The following TRHDE variants were observed in gnomAD, a reference collection of about 807,000 sequenced individuals.
The protein encoded by TRHDE is thyrotropin releasing hormone degrading enzyme.
In TRHDE, 72 loss-of-function variants were observed where a neutral mutation model predicts 125.7. The ratio of observed to expected loss-of-function variants is 0.57; its 90% CI spans 0.47 to 0.70. The LOEUF is 0.70. TRHDE is among the 30% of genes least tolerant of loss of function. The pLI, the probability that TRHDE is intolerant of heterozygous loss-of-function variation, is 0.00. For missense variants in TRHDE, 1,110 were observed against 1,327.1 expected (o/e 0.84, Z 2.54); for synonymous variants, 509 against 509.1 (o/e 1.00, Z 0.00).
chr12:72,312,707 A>T (rs1868604058), intron 2 of TRHDE, among the ~76,000 whole-genome samples: 1 of 152,204 alleles, frequency 6.6e-6, no homozygotes, highest in Non-Finnish European at 1.5e-5. Flanking sequence ...ATAAAATGTT[A>T]CAAAGGTTAT....
intron 2 of TRHDE, among the ~76,000 whole-genome samples, chr12:72,367,070 C>T (rs1234331724): frequency 1.3e-5 from 2 of 152,024 alleles, no homozygotes; most frequent in Non-Finnish European, 2.9e-5. Flanking sequence ...CATGTGCCTC[C>T]TTCTTAGCAC....
chr12:72,550,868 A>C (rs566129974), intron 7 of TRHDE, among the ~76,000 whole-genome samples: 27 of 152,110 alleles, frequency 1.8e-4, no homozygotes, highest in African/African-American at 6.3e-4. Context: ...ATAAATTTTC[A>C]AAATAAATTT....
intron 12 of TRHDE, among the ~76,000 whole-genome samples, chr12:72,616,767 C>G (rs1872833055): frequency 6.6e-6 from 1 of 151,998 alleles, no homozygotes; most frequent in South Asian, 2.1e-4. Context: ...TTTAAAAATA[C>G]ATTACTTTTC....
At chr12:72,393,710 A>G (rs1224571289) in intron 3 of TRHDE, among the ~76,000 whole-genome samples, 1 of 152,238 alleles carries the variant, frequency 6.6e-6, no homozygotes, top group Non-Finnish European at 1.5e-5. Context: ...TGGTTGATTT[A>G]TTCTGATCGG....
intron 15 of TRHDE, among the ~76,000 whole-genome samples, chr12:72,637,924 G>C (rs1428935538): frequency 1.2e-4 from 19 of 152,072 alleles, no homozygotes; most frequent in African/African-American, 4.6e-4. Flanking sequence ...TTACTTCCAA[G>C]TATGTGGTCC....
At chr12:72,282,094 T>C (rs951470887) in intron 1 of TRHDE, among the ~76,000 whole-genome samples, 1 of 152,176 alleles carries the variant, frequency 6.6e-6, no homozygotes, top group African/African-American at 2.4e-5. Flanking sequence ...CTTTTGAAAG[T>C]GGAATTTTTT....
chr12:72,612,508 G>C (rs960072015), intron 12 of TRHDE, among the ~76,000 whole-genome samples: 13 of 152,258 alleles, frequency 8.5e-5, no homozygotes, highest in African/African-American at 3.1e-4. Context: ...TGTCAGTCCT[G>C]GCTTTGAATT....
intron 2 of TRHDE, among the ~76,000 whole-genome samples, chr12:72,121,312 C>T (rs1875575666): frequency 6.6e-6 from 1 of 152,180 alleles, no homozygotes; most frequent in African/African-American, 2.4e-5. Context: ...GTCCTTGTGG[C>T]CTAGACAACC....
intron 2 of TRHDE, among the ~76,000 whole-genome samples, chr12:72,310,311 G>A (rs7970630): frequency 0.3 from 45,337 of 152,042 alleles, 7,020 homozygotes; most frequent in African/African-American, 0.37. Context: ...ATTATAAGTC[G>A]GTAAACCTGA....
chr12:72,507,782 G>A (rs766151226), intron 6 of TRHDE, among the ~76,000 whole-genome samples: 12 of 152,220 alleles, frequency 7.9e-5, no homozygotes, highest in Non-Finnish European at 1.8e-4. Context: ...AGGCATTTTA[G>A]AGATCTTTTA....
At chr12:72,107,557 G>A (rs1008620048) in intron 2 of TRHDE, among the ~76,000 whole-genome samples, 3 of 152,092 alleles carry the variant, frequency 2.0e-5, no homozygotes, top group Admixed American at 2.0e-4. Flanking sequence ...GAACTCTTTA[G>A]AATCTTCCAA....
intron 2 of TRHDE, among the ~76,000 whole-genome samples, chr12:72,121,101 A>C (rs1183813761): frequency 6.6e-6 from 1 of 152,224 alleles, no homozygotes; most frequent in South Asian, 2.1e-4. Context: ...AGTAATTTAC[A>C]CACCAAAATT....
intron 15 of TRHDE, among the ~76,000 whole-genome samples, chr12:72,641,015 C>A (rs1874035675): frequency 6.6e-6 from 1 of 151,928 alleles, no homozygotes; most frequent in Admixed American, 6.6e-5. Context: ...CTTGTACTCA[C>A]AGAGCAAGAA....
intron 6 of TRHDE, among the ~76,000 whole-genome samples, chr12:72,503,646 G>A (rs977855381): frequency 2.6e-5 from 4 of 152,068 alleles, no homozygotes; most frequent in African/African-American, 4.8e-5. Context: ...GTTGAATTAC[G>A]TATTTACAGT....
intron 7 of TRHDE, among the ~76,000 whole-genome samples, chr12:72,548,470 A>G (rs2135994746): frequency 6.6e-6 from 1 of 151,920 alleles, no homozygotes; most frequent in Non-Finnish European, 1.5e-5. Context: ...CATTTGATCA[A>G]TAAATTAGAA....
intron 12 of TRHDE, among the ~76,000 whole-genome samples, chr12:72,578,342 C>CTTGA (rs1871094326): frequency 6.6e-6 from 1 of 151,976 alleles, no homozygotes. Flanking sequence ...TAGTTCAACC[C>CTTGA]CAAAGAGTGA....
chr12:72,594,647 G>T (rs1047828249), intron 12 of TRHDE, among the ~76,000 whole-genome samples: 1 of 151,546 alleles, frequency 6.6e-6, no homozygotes. Context: ...ATTTTATAAG[G>T]CAGTTTCATG....
chr12:72,509,706 A>G (rs541639208), intron 6 of TRHDE, among the ~76,000 whole-genome samples: 2 of 151,986 alleles, frequency 1.3e-5, no homozygotes, highest in African/African-American at 4.8e-5. Context: ...TTGACTTTCC[A>G]CTTTCCCCCA....
At chr12:72,306,224 C>G (rs561152948) in intron 2 of TRHDE, among the ~76,000 whole-genome samples, 1 of 152,138 alleles carries the variant, frequency 6.6e-6, no homozygotes, top group Non-Finnish European at 1.5e-5. Flanking sequence ...CTCTTACAAA[C>G]GTTTTCTATA....
Sources: gnomAD v4.1 joint callset for allele counts (sites outside exome capture counted in the v4.1 genomes callset) on GRCh38, gnomAD v4.1.1 for gene constraint, MANE v1.5 for transcripts, NCBI Gene and HGNC (gene_info 2026-07-23, HGNC 2026-07-21) for gene names.